Variants in NLRP3 observed in about 807,000 individuals in gnomAD.
NLRP3 encodes NLR family pyrin domain containing 3, also known as NACHT, LRR and PYD domains-containing protein 3.
Under a neutral mutation model 91.3 loss-of-function variants are expected in NLRP3, and 48 were observed. That is an observed-to-expected ratio of 0.53 (90% CI 0.42 to 0.67). The LOEUF (loss-of-function observed/expected upper bound fraction) is 0.67, where lower values mean the gene tolerates loss of function less well. NLRP3 is among the 30% of genes least tolerant of loss of function. The pLI is 0.00. For missense variants in NLRP3, 982 were observed against 1,276.9 expected, an observed-to-expected ratio of 0.77 and a Z score of 3.52; for synonymous variants, 561 against 507.9, an observed-to-expected ratio of 1.10 and a Z score of -1.41.
In NLRP3 at chr1:247,425,648, T is replaced by C. The variant is rs745892743; in HGVS notation, c.2150+49T>C. ...GCTTCCTCCTGCTTCCTCGCCAGCT[T>C]CTTCTTGGCGCTTGCCTCCTCTCAT... On this transcript the variant is annotated intron_variant, in intron 4 of 9. Transcript: ENST00000336119. The surrounding 1 kb of genome is among the most constrained non-coding windows in gnomAD (Gnocchi z 4.1). 3 of 1,560,656 alleles carry C rather than the reference T, an allele frequency of 1.9e-6. No individual in the cohort carries two copies. The highest frequency in any genetic ancestry group is 2.6e-6 in the Non-Finnish European group (3 of 1,145,716).
chr1:247,431,314 G>C (rs543372495), intron 5 of NLRP3, among the ~76,000 whole-genome samples: 23 of 152,308 alleles, frequency 1.5e-4, no homozygotes, highest in African/African-American at 4.6e-4. Flanking sequence ...CTGCTCTGTG[G>C]ACGCATGCAG....
At chr1:247,441,790 A>C (rs755431839) in intron 7 of NLRP3, among the ~76,000 whole-genome samples, 82 of 152,192 alleles carry the variant, frequency 5.4e-4, no homozygotes, top group Non-Finnish European at 1.0e-3. Context: ...GCATTTTCAC[A>C]ATTTGGATAT....
chr1:247,431,703 T>C (rs76830366), intron 5 of NLRP3, among the ~76,000 whole-genome samples: 128 of 152,328 alleles, frequency 8.4e-4, no homozygotes, highest in African/African-American at 3.0e-3. Context: ...CACCCGACCA[T>C]TCTCTGCACA....
chr1:247,435,399 G>T (rs888515563), intron 6 of NLRP3, among the ~76,000 whole-genome samples: 8 of 152,306 alleles, frequency 5.3e-5, no homozygotes, highest in African/African-American at 1.4e-4. Context: ...GCTTTAAAAA[G>T]AATTCTAGTA....
In NLRP3 at chr1:247,431,114, G is replaced by A. The variant is rs189866429; in HGVS notation, c.2321+1359G>A. Among the ~76,000 whole-genome samples the A allele has an allele frequency of 8.4e-3, 1,278 of 152,144 alleles. 5 individuals carry two copies. Among genetic ancestry groups the A allele is most frequent in the Non-Finnish European group, 0.013 (857 of 68,018 alleles). On this transcript the variant is annotated intron_variant, in intron 5 of 9. Transcript: ENST00000336119. The stretch of plus-strand genomic sequence containing the variant: ...CAGGAGAACTGTGTGTACCCGGGAG[G>A]CGGAGATGGCAGTGAGCCGAGATCG...
chr1:247,433,870 C>T (rs1663548940), intron 5 of NLRP3, among the ~76,000 whole-genome samples: 1 of 135,658 alleles, frequency 7.4e-6, no homozygotes, highest in African/African-American at 2.7e-5. Context: ...CTGATGCTTT[C>T]TCTATTCTGG....
At chr1:247,432,749 T>C (rs182423480) in intron 5 of NLRP3, among the ~76,000 whole-genome samples, 35 of 152,278 alleles carry the variant, frequency 2.3e-4, no homozygotes, top group Non-Finnish European at 3.4e-4. Context: ...CCAGGACCTA[T>C]GAACTATTGC....
rs1374273720 is a variant in NLRP3, at chr1:247,419,041, C to A, written c.241C>A (p.Leu81Ile). 6.2e-7 allele frequency: 1 copy of A among 1,612,608 alleles called. No homozygotes were observed. Among genetic ancestry groups the A allele is most frequent in the Admixed American group, 1.7e-5 (1 of 59,946 alleles). ...WIFAAINRRD[L>I]YEKAKRDEPK... ...CTTCGCTGCGATCAACAGGAGAGAC[C>A]TTTATGAGAAAGCAAAAAGAGATGA... Residue 81 changes from leucine to isoleucine, a missense_variant, in exon 2 of 10, where the codon CTT (leucine) becomes ATT (isoleucine). Transcript: ENST00000336119.
intron 3 of NLRP3, 102 bp downstream of exon 3, chr1:247,423,451 G>A (rs1347563870): frequency 1.4e-6 from 2 of 1,386,518 alleles, no homozygotes; most frequent in African/African-American, 1.4e-5. Context: ...ATAGGTTCCT[G>A]CTCTTTGGAA....
intron 7 of NLRP3, among the ~76,000 whole-genome samples, chr1:247,441,125 T>C (rs1307860685): frequency 1.2e-5 from 1 of 80,050 alleles, no homozygotes. Context: ...CTCTTTTTCT[T>C]TTTCTCTTTC....
At position 247,443,993 on chromosome 1, in the gene NLRP3, G is replaced by A. The variant is rs778287953; in HGVS notation, c.2685G>A (p.Thr895=). 9 of 1,614,060 alleles carry A rather than the reference G, an allele frequency of 5.6e-6. No individual in the cohort carries two copies. The South Asian group carries it at 6.6e-5, about 12-fold the overall frequency. ...ACAGGTTGGTGAATTCTGGCCTTAC[G>A]TCAGTCTGTTGTTCAGCTTTGTCCT... ...QKLGLVNSGL[T]SVCCSALSSV... is the part of the protein sequence containing the mutation. Residue 895 remains threonine (T), a synonymous_variant, in exon 8 of 10, where the codon ACG becomes ACA. Transcript: ENST00000336119.
chr1:247,419,396 C>T (rs1662297171), intron 2 of NLRP3, among the ~76,000 whole-genome samples: 1 of 152,130 alleles, frequency 6.6e-6, no homozygotes, highest in South Asian at 2.1e-4. Flanking sequence ...CTCAGGTGAT[C>T]CACCCGCCTC....
At chr1:247,420,409 T>A (rs987521952) in intron 2 of NLRP3, among the ~76,000 whole-genome samples, 3 of 149,078 alleles carry the variant, frequency 2.0e-5, no homozygotes, top group Non-Finnish European at 4.4e-5. Flanking sequence ...GAAGTTAGTA[T>A]GATTTTTTTT....
chr1:247,428,171 T>C lies in NLRP3; in HGVS notation c.2151-1414T>C, dbSNP rs187001840. ...AGCACCCATCCCTCTAGATGGCACC[T>C]GCCTTACTCTGAGGACAGACTCTGA... On this transcript the variant is annotated intron_variant, in intron 4 of 9. Transcript: ENST00000336119. Among the ~76,000 whole-genome samples, 1,449 of 149,068 alleles carry C rather than the reference T, an allele frequency of 9.7e-3. 3 individuals are homozygous for C. Among genetic ancestry groups the C allele is most frequent in the Non-Finnish European group, 0.014 (952 of 67,718 alleles).
intron 7 of NLRP3, among the ~76,000 whole-genome samples, chr1:247,440,261 T>A (rs114800447): frequency 0.022 from 3,323 of 152,270 alleles, 121 homozygotes; most frequent in African/African-American, 0.076. Flanking sequence ...GGTTTAATTA[T>A]CATACCCCAC....
In NLRP3 at chr1:247,423,284, T is replaced by C. The variant is rs200099395; in HGVS notation, c.332T>C (p.Ile111Thr). The C allele has an allele frequency of 1.2e-6, 2 of 1,614,118 alleles. No individual in the cohort carries two copies. The highest frequency in any genetic ancestry group is 8.5e-7 in the Non-Finnish European group (1 of 1,179,992). Residue 111 changes from isoleucine (I) to threonine (T), a missense_variant, in exon 3 of 10, where the codon ATT (isoleucine) becomes ACT (threonine). Physicochemically the swap from Ile to Thr is moderately conservative, Grantham distance 89. This residue lies in a region of NLRP3 where 548 missense variants were observed against 713.7 expected (regional missense o/e 0.77). Transcript: ENST00000336119. ...NPTVICQEDS[I>T]EEEWMGLLEY... is the part of the protein sequence containing the mutation. The stretch of plus-strand genomic sequence containing the variant: ...ACTGTGATATGCCAGGAAGACAGCA[T>C]TGAAGAGGAGTGGATGGGTTTACTG...
intron 5 of NLRP3, among the ~76,000 whole-genome samples, chr1:247,430,947 T>C (rs1369456925): frequency 1.3e-5 from 2 of 151,844 alleles, no homozygotes; most frequent in Admixed American, 1.3e-4. Flanking sequence ...TTGTATTTTT[T>C]TTGTAGAGAT....
intron 4 of NLRP3, among the ~76,000 whole-genome samples, chr1:247,427,971 A>G (rs1298427303): frequency 8.4e-6 from 1 of 119,380 alleles, no homozygotes; most frequent in African/African-American, 3.4e-5. Flanking sequence ...CTCTGAGGAC[A>G]GACTCTGATT....
chr1:247,440,938 T>G (rs947327476), intron 7 of NLRP3, among the ~76,000 whole-genome samples: 5 of 152,180 alleles, frequency 3.3e-5, no homozygotes, highest in African/African-American at 1.2e-4. Flanking sequence ...TTTTGTCCAT[T>G]TAAAAGCAGG....
Sources: allele counts gnomAD v4.1 joint callset (sites outside exome capture counted in the v4.1 genomes callset), GRCh38; gene constraint gnomAD v4.1.1; regional missense constraint gnomAD v4.1.1; non-coding constraint Gnocchi (gnomAD v3.1); transcripts MANE v1.5; gene names NCBI Gene and HGNC (gene_info 2026-07-23, HGNC 2026-07-21).